The following MICU1 variants were observed in gnomAD, a reference collection of about 807,000 sequenced individuals.
MICU1 encodes the protein mitochondrial calcium uptake 1.
MICU1 carries 45 observed loss-of-function variants against 56.8 expected under a neutral mutation model. The observed-to-expected ratio is 0.79, with a 90% CI of 0.62 to 1.02. The LOEUF is 1.02. MICU1 is among the 50% of genes least tolerant of loss of function. MICU1 has a pLI of 0.00. For missense variants in MICU1, 504 were observed against 587.1 expected, an observed-to-expected ratio of 0.86 and a Z score of 1.46; for synonymous variants, 186 against 195.1, an observed-to-expected ratio of 0.95 and a Z score of 0.39.
Position 72,615,920 on chromosome 10 carries a change from C to T in MICU1, c.-2+10090G>A, listed in dbSNP as rs542666151. Among the ~76,000 whole-genome samples, 233 of 152,090 alleles carry T rather than the reference C, an allele frequency of 1.5e-3. 1 individual carries two copies. The highest frequency in any genetic ancestry group is 4.2e-3 in the African/African-American group (174 of 41,504). ...AGGAGAATGGCGTGAACCCGGGAGG[C>T]GGAGCTGGCAGTGAGCCGAGATTGT... On this transcript the variant is annotated intron_variant, in intron 1 of 11. Coordinates refer to ENST00000361114, the MANE Select transcript of MICU1 (RefSeq NM_001195518.2).
chr10:72,601,505 T>C (rs1439633501), intron 1 of MICU1, among the ~76,000 whole-genome samples: 1 of 150,188 alleles, frequency 6.7e-6, no homozygotes, highest in Non-Finnish European at 1.5e-5. Flanking sequence ...AGTGTATATA[T>C]ATGTTTGATG....
At chr10:72,501,635 C>T (rs1260110445) in intron 6 of MICU1, 1 of 150,866 alleles carries the variant, frequency 6.6e-6, no homozygotes, top group Non-Finnish European at 1.5e-5. Context: ...GTGATATGTG[C>T]CAAGGAGAAA....
At chr10:72,537,272 G>A (rs1172814565) in intron 4 of MICU1, among the ~76,000 whole-genome samples, 1 of 152,182 alleles carries the variant, frequency 6.6e-6, no homozygotes, top group Non-Finnish European at 1.5e-5. Context: ...GTTTGGAAGT[G>A]GAGTGTGGGG....
chr10:72,611,131 C>A (rs1841833945), intron 1 of MICU1, among the ~76,000 whole-genome samples: 1 of 151,062 alleles, frequency 6.6e-6, no homozygotes. Flanking sequence ...GGTGAAACCC[C>A]GTGTCTACTA....
intron 9 of MICU1, 74 bp downstream of exon 9, chr10:72,423,160 G>A (rs996748134): frequency 6.5e-6 from 10 of 1,527,836 alleles, no homozygotes; most frequent in Admixed American, 1.9e-5. Flanking sequence ...TCATCATTAT[G>A]TTAATACCTT....
intron 8 of MICU1, among the ~76,000 whole-genome samples, chr10:72,463,103 G>C (rs1160957927): frequency 1.3e-5 from 2 of 149,934 alleles, no homozygotes. Context: ...TTTCGCTCTT[G>C]CCCAGGCTGG....
At position 72,566,686 on chromosome 10, in the gene MICU1, C is replaced by G. The variant is rs1484436813; in HGVS notation, c.108G>C (p.Val36=). 2.5e-6 allele frequency: 4 copies of G among 1,613,024 alleles called. No individual in the cohort carries two copies. Among genetic ancestry groups the G allele is most frequent in the African/African-American group, 1.3e-5 (1 of 75,028 alleles). The change falls in exon 2 of 12, where the codon GTG becomes GTC. Residue 36 remains valine, a synonymous_variant. Coordinates refer to ENST00000361114, the MANE Select transcript of MICU1 (RefSeq NM_001195518.2). ...TTACTGCAGATGCTCCCAGGAAAGC[C>G]ACCATCATTAGTCTTCGCCGGATCT... ...PIQIRRRLMM[V]AFLGASAVTA...
At chr10:72,471,930 T>TTGTGTG (rs58543867) in intron 8 of MICU1, among the ~76,000 whole-genome samples, 73,595 of 150,194 alleles carry the variant, frequency 0.49, 19,686 homozygotes, top group Non-Finnish European at 0.64. Flanking sequence ...CACTATGCCT[T>TTGTGTG]TGTGTGTGTG....
chr10:72,618,444 A>G (rs3000964), intron 1 of MICU1, among the ~76,000 whole-genome samples: 95,097 of 151,812 alleles, frequency 0.63, 31,312 homozygotes, highest in African/African-American at 0.72. Context: ...ACCATCTCAC[A>G]ACTTATTAGC....
At chr10:72,471,153 T>C (rs972568021) in intron 8 of MICU1, among the ~76,000 whole-genome samples, 1 of 152,116 alleles carries the variant, frequency 6.6e-6, no homozygotes, top group African/African-American at 2.4e-5. Context: ...GGCGCAATCT[T>C]GGCTTACTGC....
chr10:72,442,529 G>A (rs914572182), intron 8 of MICU1, among the ~76,000 whole-genome samples: 2 of 152,164 alleles, frequency 1.3e-5, no homozygotes, highest in African/African-American at 2.4e-5. Context: ...CCAAAGGAAA[G>A]TTTCATCAGT....
chr10:72,532,976 C>A (rs1037503015), intron 5 of MICU1: 2 of 1,279,996 alleles, frequency 1.6e-6, no homozygotes, highest in Non-Finnish European at 1.0e-6. Context: ...CCCATCTAGA[C>A]CCTCTTTTGT....
intron 8 of MICU1, among the ~76,000 whole-genome samples, chr10:72,455,286 G>A (rs777534214): frequency 7.2e-6 from 1 of 139,718 alleles, no homozygotes; most frequent in African/African-American, 2.6e-5. Flanking sequence ...GGAGGTGGAG[G>A]TTGCAGTGAG....
intron 10 of MICU1, among the ~76,000 whole-genome samples, chr10:72,399,135 C>G (rs547826964): frequency 1.3e-5 from 2 of 152,302 alleles, no homozygotes; most frequent in African/African-American, 2.4e-5. Flanking sequence ...AAGGCTGGTT[C>G]AACATACGCA....
rs890004397 is a variant in MICU1, at chr10:72,467,405, T to C, written c.933+7695A>G. On this transcript the variant is annotated intron_variant, in intron 8 of 11. Coordinates refer to ENST00000361114, the MANE Select transcript of MICU1 (RefSeq NM_001195518.2). ...TGCCATCTTGGTCAGCCTAGTCTCATACTCCTGACCTCAGGTGATCCACCC... is the reference window on the plus strand; with the variant it reads ...TGCCATCTTGGTCAGCCTAGTCTCACACTCCTGACCTCAGGTGATCCACCC... 3.3e-5 allele frequency among the ~76,000 whole-genome samples: 5 copies of C among 152,072 alleles called. No homozygotes were observed. The East Asian group carries it at 7.7e-4, about 23-fold the overall frequency.
At chr10:72,590,327 A>C (rs945063255) in intron 1 of MICU1, among the ~76,000 whole-genome samples, 1 of 152,232 alleles carries the variant, frequency 6.6e-6, no homozygotes, top group Non-Finnish European at 1.5e-5. Context: ...ATTATATATC[A>C]ATAAAAGGTT....
chr10:72,425,417 G>C (rs1252124466), intron 8 of MICU1, among the ~76,000 whole-genome samples: 2 of 152,218 alleles, frequency 1.3e-5, no homozygotes, highest in Non-Finnish European at 2.9e-5. Flanking sequence ...TCTTCATAGG[G>C]GCACAAGGCC....
At chr10:72,553,152 T>TA (rs1421466066) in intron 3 of MICU1, among the ~76,000 whole-genome samples, 1 of 152,116 alleles carries the variant, frequency 6.6e-6, no homozygotes, top group Non-Finnish European at 1.5e-5. Context: ...CCTTGAGACA[T>TA]AGCTACAAGT....
intron 9 of MICU1, among the ~76,000 whole-genome samples, chr10:72,417,840 A>G (rs1864033989): frequency 6.6e-6 from 1 of 152,166 alleles, no homozygotes; most frequent in Non-Finnish European, 1.5e-5. Flanking sequence ...TGCACATTAG[A>G]TTTACCTGGG....
Sources: allele counts gnomAD v4.1 joint callset (sites outside exome capture counted in the v4.1 genomes callset), GRCh38; gene constraint gnomAD v4.1.1; transcripts MANE v1.5; gene names NCBI Gene and HGNC (gene_info 2026-07-23, HGNC 2026-07-21).